Variants in PRKCE observed in about 807,000 individuals in gnomAD.
PRKCE encodes the protein protein kinase C epsilon type.
In PRKCE, 16 loss-of-function variants were observed where a neutral mutation model predicts 85.4. That is an observed-to-expected ratio of 0.19 (90% CI 0.13 to 0.28). The LOEUF is 0.28. Ranked by LOEUF, PRKCE falls within the 10% of genes least tolerant of loss-of-function variation. The pLI, the probability that PRKCE is intolerant of heterozygous loss-of-function variation, is 1.00. For synonymous variants in PRKCE, 388 were observed against 371.5 expected (o/e 1.04, Z -0.51); for missense variants, 573 against 975.2 (o/e 0.59, Z 5.49).
intron 2 of PRKCE, among the ~76,000 whole-genome samples, chr2:45,959,137 T>A (rs920128954): frequency 2.0e-5 from 3 of 152,114 alleles, no homozygotes; most frequent in Non-Finnish European, 2.9e-5. Flanking sequence ...GCTTTTAAAA[T>A]GCACCGTGCT....
At chr2:46,084,736 A>C (rs1669424084) in intron 10 of PRKCE, among the ~76,000 whole-genome samples, 2 of 151,576 alleles carry the variant, frequency 1.3e-5, no homozygotes, top group African/African-American at 4.8e-5. Flanking sequence ...AAAAAAAAAA[A>C]AAAAGAATGT....
intron 2 of PRKCE, among the ~76,000 whole-genome samples, chr2:45,906,783 C>T (rs1697010990): frequency 1.3e-5 from 2 of 152,240 alleles, no homozygotes; most frequent in Admixed American, 1.3e-4. Flanking sequence ...GTGCCGGCAG[C>T]TTCTGAGGTG....
chr2:45,717,687 T>A (rs1680255100), intron 1 of PRKCE, among the ~76,000 whole-genome samples: 1 of 152,236 alleles, frequency 6.6e-6, no homozygotes, highest in South Asian at 2.1e-4. Context: ...GCAAGGGATG[T>A]CCAGACTTTT....
At chr2:45,927,312 G>A (rs1303514741) in intron 2 of PRKCE, among the ~76,000 whole-genome samples, 2 of 152,188 alleles carry the variant, frequency 1.3e-5, no homozygotes, top group Non-Finnish European at 2.9e-5. Flanking sequence ...AGAAGGGAAG[G>A]AGACGAGTAT....
At chr2:45,966,304 C>T (rs984878509) in intron 2 of PRKCE, among the ~76,000 whole-genome samples, 16 of 152,132 alleles carry the variant, frequency 1.1e-4, no homozygotes, top group African/African-American at 2.7e-4. Context: ...CAAACGTGTG[C>T]GTGAGATACT....
intron 1 of PRKCE, among the ~76,000 whole-genome samples, chr2:45,830,197 G>A (rs1390804228): frequency 6.6e-6 from 1 of 152,024 alleles, no homozygotes; most frequent in Non-Finnish European, 1.5e-5. Flanking sequence ...TCTCATTCAG[G>A]GACCCATGCT....
At chr2:45,870,346 G>C (rs1300845008) in intron 2 of PRKCE, among the ~76,000 whole-genome samples, 1 of 152,190 alleles carries the variant, frequency 6.6e-6, no homozygotes, top group Non-Finnish European at 1.5e-5. Context: ...ATCCTGTGTA[G>C]ACTCAGCTAT....
At chr2:45,933,325 T>G (rs1409098802) in intron 2 of PRKCE, among the ~76,000 whole-genome samples, 1 of 152,192 alleles carries the variant, frequency 6.6e-6, no homozygotes, top group Non-Finnish European at 1.5e-5. Context: ...GAGGAATGTA[T>G]CAATTTATCA....
intron 2 of PRKCE, among the ~76,000 whole-genome samples, chr2:45,906,370 C>T (rs999772490): frequency 6.6e-6 from 1 of 152,194 alleles, no homozygotes; most frequent in African/African-American, 2.4e-5. Flanking sequence ...TAATTAAACC[C>T]CTGTGGATCT....
At chr2:45,972,920 G>A (rs926019906) in intron 2 of PRKCE, among the ~76,000 whole-genome samples, 1 of 152,182 alleles carries the variant, frequency 6.6e-6, no homozygotes, top group African/African-American at 2.4e-5. Flanking sequence ...AAAGTCATAT[G>A]GAACCATGAA....
chr2:45,759,852 T>C (rs1438957065), intron 1 of PRKCE, among the ~76,000 whole-genome samples: 2 of 152,200 alleles, frequency 1.3e-5, no homozygotes, highest in Non-Finnish European at 2.9e-5. Context: ...GAATCCTGGC[T>C]TAAGTCTCCT....
chr2:45,726,273 C>CA (rs1558601161), intron 1 of PRKCE, among the ~76,000 whole-genome samples: 1 of 152,156 alleles, frequency 6.6e-6, no homozygotes. Context: ...CAAACAGTGT[C>CA]ACATGCTACA....
chr2:45,882,217 A>G (rs529559014), intron 2 of PRKCE, among the ~76,000 whole-genome samples: 28 of 152,326 alleles, frequency 1.8e-4, no homozygotes, highest in Non-Finnish European at 8.8e-5. Flanking sequence ...TGAGGATGCC[A>G]TGGTGATATA....
At chr2:45,668,183 A>G (rs1218046293) in intron 1 of PRKCE, among the ~76,000 whole-genome samples, 14 of 152,130 alleles carry the variant, frequency 9.2e-5, no homozygotes. Flanking sequence ...TGTACTAAAA[A>G]TACAAAAATT....
chr2:45,669,933 C>T (rs571758637), intron 1 of PRKCE, among the ~76,000 whole-genome samples: 1 of 152,132 alleles, frequency 6.6e-6, no homozygotes, highest in African/African-American at 2.4e-5. Context: ...ATCACTTGAA[C>T]CCAGGAGGCA....
intron 10 of PRKCE, among the ~76,000 whole-genome samples, chr2:46,047,101 A>G (rs564996212): frequency 3.3e-5 from 5 of 152,304 alleles, no homozygotes; most frequent in East Asian, 1.9e-4. Flanking sequence ...CAGGAATCCA[A>G]TGGCATCTTG....
At chr2:46,097,789 T>C (rs1670851827) in intron 11 of PRKCE, among the ~76,000 whole-genome samples, 2 of 152,240 alleles carry the variant, frequency 1.3e-5, no homozygotes, top group Admixed American at 1.3e-4. Context: ...ATCACTTTTA[T>C]ATGGGTCCAA....
intron 14 of PRKCE, among the ~76,000 whole-genome samples, chr2:46,180,913 G>A (rs1213168338): frequency 6.6e-6 from 1 of 152,192 alleles, no homozygotes; most frequent in Non-Finnish European, 1.5e-5. Flanking sequence ...GTGGGCCAAA[G>A]GTTGTAGAAA....
intron 13 of PRKCE, among the ~76,000 whole-genome samples, chr2:46,152,618 G>A (rs928729871): frequency 1.3e-5 from 2 of 151,382 alleles, no homozygotes; most frequent in Non-Finnish European, 1.5e-5. Context: ...GCGTGATCTC[G>A]GCTCACTGCA....
Sources: gnomAD v4.1 joint callset for allele counts (sites outside exome capture counted in the v4.1 genomes callset) on GRCh38, gnomAD v4.1.1 for gene constraint, MANE v1.5 for transcripts, NCBI Gene and HGNC (gene_info 2026-07-23, HGNC 2026-07-21) for gene names.